FRMD3: variants seen among roughly 807,000 people sequenced by gnomAD.
FRMD3 encodes FERM domain containing 3.
Under a neutral mutation model 70.2 loss-of-function variants are expected in FRMD3, and 33 were observed. The ratio of observed to expected loss-of-function variants is 0.47; its 90% CI spans 0.36 to 0.63. The LOEUF (loss-of-function observed/expected upper bound fraction) is 0.63. FRMD3 is among the 20% of genes least tolerant of loss of function. The pLI is 0.00. For missense variants in FRMD3, 632 were observed against 711.4 expected (o/e 0.89, Z 1.27); for synonymous variants, 279 against 255.9 (o/e 1.09, Z -0.86).
intron 1 of FRMD3, among the ~76,000 whole-genome samples, chr9:83,534,758 G>T (rs1206399822): frequency 6.6e-6 from 1 of 152,160 alleles, no homozygotes; most frequent in Non-Finnish European, 1.5e-5. Context: ...CATGTTTCTG[G>T]GGGGTGGAAA....
At chr9:83,479,729 G>GAAAGAAAAGAAAA (rs1564096923) in intron 1 of FRMD3, among the ~76,000 whole-genome samples, 1 of 66,422 alleles carries the variant, frequency 1.5e-5, no homozygotes, top group African/African-American at 7.8e-5. Context: ...AGAAAAGAAA[G>GAAAGAAAAGAAAA]GGAAAGAAAG....
At chr9:83,540,806 C>T (rs148130741), upstream of FRMD3, among the ~76,000 whole-genome samples, 240 of 152,302 alleles carry the variant, frequency 1.6e-3, 1 homozygote, top group African/African-American at 5.6e-3. Flanking sequence ...AACAACAGAG[C>T]TCAAAGAATA....
chr9:83,374,622 T>G (rs1378690201), intron 2 of FRMD3, among the ~76,000 whole-genome samples: 1 of 152,154 alleles, frequency 6.6e-6, no homozygotes, highest in Non-Finnish European at 1.5e-5. Context: ...GACTATAAAA[T>G]GGGAACAGTA....
intron 13 of FRMD3, among the ~76,000 whole-genome samples, chr9:83,285,124 C>A (rs1834149743): frequency 6.6e-6 from 1 of 152,172 alleles, no homozygotes; most frequent in African/African-American, 2.4e-5. Context: ...CCACCTTAAG[C>A]CATCTATGGT....
At chr9:83,325,485 T>TGGCTA (rs1390704881) in intron 6 of FRMD3, among the ~76,000 whole-genome samples, 12 of 151,392 alleles carry the variant, frequency 7.9e-5, no homozygotes, top group Admixed American at 5.9e-4. Flanking sequence ...CCACTACATC[T>TGGCTA]GGCTAATTTT....
At chr9:83,350,645 A>C (rs1433950603) in intron 3 of FRMD3, 1 of 496,936 alleles carries the variant, frequency 2.0e-6, no homozygotes, top group Non-Finnish European at 2.6e-6. Flanking sequence ...AAAAGAAAGA[A>C]AGAAAAAGAA....
intron 5 of FRMD3, among the ~76,000 whole-genome samples, chr9:83,336,086 T>C (rs1823568071): frequency 6.6e-6 from 1 of 152,128 alleles, no homozygotes; most frequent in Non-Finnish European, 1.5e-5. Flanking sequence ...GGATTTCAGT[T>C]AGATAGAAGG....
intron 13 of FRMD3, among the ~76,000 whole-genome samples, chr9:83,283,548 ATAATAAT>A (rs1284593029): frequency 5.9e-4 from 8 of 13,566 alleles, no homozygotes; most frequent in Non-Finnish European, 9.2e-4. Flanking sequence ...AAAAAAAAAA[ATAATAAT>A]AATAATAATA....
intron 3 of FRMD3, among the ~76,000 whole-genome samples, chr9:83,371,283 A>G (rs1232411647): frequency 2.0e-5 from 3 of 151,756 alleles, no homozygotes; most frequent in Non-Finnish European, 4.4e-5. Context: ...TATCCTGCAT[A>G]TCATACTATA....
chr9:83,317,179 C>G (rs1295406508), intron 6 of FRMD3, among the ~76,000 whole-genome samples: 1 of 142,430 alleles, frequency 7.0e-6, no homozygotes, highest in African/African-American at 2.6e-5. Flanking sequence ...TATTATTGAG[C>G]CGTCTCTCAT....
intron 1 of FRMD3, among the ~76,000 whole-genome samples, chr9:83,465,046 G>A (rs1036080908): frequency 7.0e-5 from 10 of 142,026 alleles, no homozygotes; most frequent in African/African-American, 2.5e-4. Context: ...AAAAGAAGAA[G>A]AAGCAGCAGC....
chr9:83,321,137 C>T lies in FRMD3; in HGVS notation c.597-7390G>A, dbSNP rs186102727. Among the ~76,000 whole-genome samples, 238 of 147,240 alleles carry T rather than the reference C, an allele frequency of 1.6e-3. 1 individual carries two copies. The highest frequency in any genetic ancestry group is 2.9e-3 in the Non-Finnish European group (188 of 65,774). ...TTTATCTTTTTTCAAAACAAAAGAA[C>T]CAACTTTTTGTTTGGTTGATCTTTT... On this transcript the variant is annotated intron_variant, in intron 6 of 13. Transcript: ENST00000304195.
chr9:83,414,323 T>TA (rs1053972148), intron 1 of FRMD3, among the ~76,000 whole-genome samples: 4 of 152,120 alleles, frequency 2.6e-5, no homozygotes, highest in Admixed American at 6.5e-5. Flanking sequence ...AAGCTGTTTT[T>TA]AAAAAAATCA....
At chr9:83,294,246 G>T (rs898008786) in intron 12 of FRMD3, among the ~76,000 whole-genome samples, 3 of 152,194 alleles carry the variant, frequency 2.0e-5, no homozygotes, top group African/African-American at 7.2e-5. Context: ...TGAGGAAGCA[G>T]GTGTTTGCCA....
chr9:83,491,730 C>T (rs1207316178), intron 1 of FRMD3, among the ~76,000 whole-genome samples: 1 of 152,154 alleles, frequency 6.6e-6, no homozygotes, highest in African/African-American at 2.4e-5. Context: ...CTGACCTGAC[C>T]TCTGGTAGGA....
chr9:83,548,999 C>T, the FRMD3 span, among the ~76,000 whole-genome samples: 1 of 141,282 alleles, frequency 7.1e-6, no homozygotes, highest in East Asian at 2.1e-4. Context: ...GTGAAAGTTA[C>T]ATAGATAATC....
chr9:83,296,335 C>T (rs1484028242), intron 12 of FRMD3, among the ~76,000 whole-genome samples: 5 of 152,208 alleles, frequency 3.3e-5, no homozygotes, highest in Non-Finnish European at 7.3e-5. Flanking sequence ...GCACCTTGGA[C>T]AGATCTCACA....
In FRMD3 at chr9:83,247,550, A is replaced by G; in HGVS notation, c.*368T>C. 3.0e-6 allele frequency: 3 copies of G among 998,376 alleles called. No homozygotes were observed. Among genetic ancestry groups the G allele is most frequent in the Non-Finnish European group, 3.6e-6 (3 of 837,000 alleles). 61.8% of individuals were successfully genotyped at this position (998,376 alleles called of 1,614,324 possible). A position where few individuals can be genotyped will look rare whatever the true frequency, so the allele number is the denominator to read the frequency against. ...AACAACTTTCTCTTGAGTTGTTACT[A>G]AAATTCTGATTCTGAACCTTATAGC... On this transcript the variant is annotated 3_prime_UTR_variant, in exon 14 of 14. Transcript: ENST00000304195.
At chr9:83,417,870 A>G (rs1826501566) in intron 1 of FRMD3, among the ~76,000 whole-genome samples, 1 of 152,212 alleles carries the variant, frequency 6.6e-6, no homozygotes, top group Non-Finnish European at 1.5e-5. Flanking sequence ...TAGTGTTCAC[A>G]TTACAAAGAG....
Sources: gnomAD v4.1 joint callset for allele counts (sites outside exome capture counted in the v4.1 genomes callset) on GRCh38, gnomAD v4.1.1 for gene constraint, MANE v1.5 for transcripts, NCBI Gene and HGNC (gene_info 2026-07-23, HGNC 2026-07-21) for gene names.